Variants in KLHL30 observed in about 807,000 individuals in gnomAD.
KLHL30 encodes the protein kelch-like protein 30.
A neutral mutation model predicts 55.0 loss-of-function variants in KLHL30; 55 were observed. The ratio of observed to expected loss-of-function variants is 1.00; its 90% confidence interval spans 0.80 to 1.25. The LOEUF is 1.25. KLHL30 is among the 50% of genes most tolerant of loss of function. KLHL30 has a pLI of 0.00. For missense variants in KLHL30, 786 were observed against 811.6 expected (o/e 0.97, Z 0.38); for synonymous variants, 356 against 372.6 (o/e 0.96, Z 0.51).
chr2:238,143,214 A>T (rs935410), intron 3 of KLHL30, among the ~76,000 whole-genome samples: 119,511 of 152,220 alleles, frequency 0.79, 47,151 homozygotes, highest in East Asian at 0.94. Flanking sequence ...ACAGGCCTCC[A>T]CGGCCAAGAC....
chr2:238,148,466 C>T (rs1157748615), intron 6 of KLHL30, among the ~76,000 whole-genome samples: 1 of 152,236 alleles, frequency 6.6e-6, no homozygotes. Flanking sequence ...TGAGGCCCAG[C>T]GCAGCCTCCC....
chr2:238,148,620 CA>C (rs1692690712), intron 6 of KLHL30, among the ~76,000 whole-genome samples: 1 of 149,964 alleles, frequency 6.7e-6, no homozygotes, highest in Non-Finnish European at 1.5e-5. Flanking sequence ...AGGCAAGGCC[CA>C]CCTGGGTACC....
At position 238,140,738 on chromosome 2, in the gene KLHL30, C is replaced by T; in HGVS notation, c.-17C>T. On this transcript the variant is annotated 5_prime_UTR_variant, in exon 2 of 8. Coordinates refer to ENST00000409223, the MANE Select transcript of KLHL30 (RefSeq NM_198582.4). ...CCTTGAGTGGGTGGACTACTGAGGTCCCCTGGGCACGGCGTCATGGTGCGG... is the reference window on the plus strand; with the variant it reads ...CCTTGAGTGGGTGGACTACTGAGGTTCCCTGGGCACGGCGTCATGGTGCGG... The T allele has an allele frequency of 6.7e-7, 1 of 1,486,142 alleles. No homozygotes were observed. The highest frequency in any genetic ancestry group is 9.0e-7 in the Non-Finnish European group (1 of 1,110,082). The allele number at this position is 1,486,142 out of a possible 1,614,324, so 92.1% of individuals were successfully genotyped here. A position where few individuals can be genotyped will look rare whatever the true frequency, so the allele number is the denominator to read the frequency against.
intron 5 of KLHL30, among the ~76,000 whole-genome samples, chr2:238,146,913 G>A (rs1692657249): frequency 6.6e-6 from 1 of 150,766 alleles, no homozygotes; most frequent in African/African-American, 2.4e-5. Flanking sequence ...GGCCAAGGCA[G>A]GAGAATCGTT....
Position 238,151,859 on chromosome 2 carries a change from A to G in KLHL30, c.*794A>G, listed in dbSNP as rs972111463. The G allele has an allele frequency of 4.1e-6, 4 of 984,372 alleles. No homozygotes were observed. In the African/African-American group the frequency reaches 5.2e-5, roughly 13 times the overall value. The allele number at this position is 984,372 out of a possible 1,614,324, so 61.0% of individuals were successfully genotyped here. Reference sequence around the variant, plus strand: ...CTGTGTGTCAGAACAAAGGCTCTTCATTAGAATGGAATTTCCCACCAGGGG... The same window carrying G: ...CTGTGTGTCAGAACAAAGGCTCTTCGTTAGAATGGAATTTCCCACCAGGGG... On this transcript the variant is annotated 3_prime_UTR_variant, in exon 8 of 8. Coordinates refer to ENST00000409223, the MANE Select transcript of KLHL30 (RefSeq NM_198582.4).
Position 238,141,277 on chromosome 2 carries a change from C to G in KLHL30, c.523C>G (p.Pro175Ala), listed in dbSNP as rs777515959. ...VAREDEFLQL[P>A]RERLVTCLAG... Reference sequence around the variant, plus strand: ...ACGTGAGGACGAGTTCCTGCAGCTTCCCCGAGAGCGGCTGGTCACTTGTCT... The same window carrying G: ...ACGTGAGGACGAGTTCCTGCAGCTTGCCCGAGAGCGGCTGGTCACTTGTCT... Residue 175 changes from proline (P) to alanine (A), a missense_variant, in exon 2 of 8, where the codon CCC becomes GCC. Pro to Ala is a conservative substitution (Grantham distance 27, BLOSUM62 -1). Coordinates refer to ENST00000409223, the MANE Select transcript of KLHL30 (RefSeq NM_198582.4). 3 of 1,602,388 alleles carry G rather than the reference C, an allele frequency of 1.9e-6. No homozygotes were observed. In the Admixed American group the frequency reaches 5.0e-5, roughly 27 times the overall value.
chr2:238,145,509 C>T (rs1574758549), intron 4 of KLHL30, among the ~76,000 whole-genome samples, 168 bp from the exon 5 acceptor site: 1 of 152,280 alleles, frequency 6.6e-6, no homozygotes, highest in East Asian at 1.9e-4. Context: ...GATGGAGGGA[C>T]CTGGGCAGTC....
intron 3 of KLHL30, among the ~76,000 whole-genome samples, chr2:238,143,913 C>T (rs1220338372): frequency 6.6e-6 from 1 of 152,238 alleles, no homozygotes; most frequent in Non-Finnish European, 1.5e-5. Flanking sequence ...CCTGGAATTC[C>T]GCATCTCCCA....
In KLHL30 at chr2:238,147,907, C is replaced by G. The variant is rs1381292398; in HGVS notation, c.1224C>G (p.Ala408=). The G allele has an allele frequency of 6.2e-7, 1 of 1,603,840 alleles. No individual in the cohort carries two copies. Among genetic ancestry groups the G allele is most frequent in the East Asian group, 2.3e-5 (1 of 44,130 alleles). The change falls in exon 6 of 8, where the codon GCC becomes GCG. Residue 408 remains alanine (A), a synonymous_variant. Coordinates refer to ENST00000409223, the MANE Select transcript of KLHL30 (RefSeq NM_198582.4). The surrounding 1 kb of genome is among the most constrained non-coding windows in gnomAD (Gnocchi z 5.8). ...YTDSWTPVSP[A]LKYVSNFSAA... is the part of the protein sequence containing the mutation. ...ACAGCTGGACGCCCGTCAGCCCGGC[C>G]CTCAAATACGTCAGCAACTTCTCGG...
intron 6 of KLHL30, among the ~76,000 whole-genome samples, chr2:238,148,378 C>G (rs1037444427): frequency 8.5e-5 from 13 of 152,316 alleles, no homozygotes; most frequent in African/African-American, 3.1e-4. Flanking sequence ...CCCAAAAGGG[C>G]CTCACGGGCC....
At position 238,141,032 on chromosome 2, in the gene KLHL30, C is replaced by G; in HGVS notation, c.278C>G (p.Thr93Arg). The G allele has an allele frequency of 6.2e-7, 1 of 1,612,370 alleles. No homozygotes were observed. Among genetic ancestry groups the G allele is most frequent in the Non-Finnish European group, 8.5e-7 (1 of 1,179,600 alleles). Residue 93 changes from threonine (T) to arginine (R), a missense_variant, in exon 2 of 8, where the codon ACA (threonine) becomes AGA (arginine). Physicochemically the swap from Thr to Arg is moderately conservative, Grantham distance 71. Coordinates refer to ENST00000409223, the MANE Select transcript of KLHL30 (RefSeq NM_198582.4). ...VVGQLVDFVY[T>R]GRLTITQGNV... ...GGACAACTGGTGGACTTCGTGTACACAGGCCGGCTGACCATCACGCAGGGC... is the reference window on the plus strand; with the variant it reads ...GGACAACTGGTGGACTTCGTGTACAGAGGCCGGCTGACCATCACGCAGGGC...
At position 238,151,093 on chromosome 2, in the gene KLHL30, TCC is replaced by T; in HGVS notation, c.*31_*32del. 6.4e-7 allele frequency: 1 copy of T among 1,560,430 alleles called. No individual in the cohort carries two copies. Among genetic ancestry groups the T allele is most frequent in the Non-Finnish European group, 8.7e-7 (1 of 1,151,110 alleles). ...CAGGGCCAGGGTCCCCGGGGAGGAG[TCC>T]CCACAGCGGCCCCTCATCAGCCTGT... is the stretch of plus-strand genomic sequence containing the variant. On this transcript the variant is annotated 3_prime_UTR_variant, in exon 8 of 8. Transcript: ENST00000409223.
At chr2:238,148,855 C>A (rs1303144554) in intron 6 of KLHL30, among the ~76,000 whole-genome samples, 152 bp from the exon 7 acceptor site, 1 of 152,144 alleles carries the variant, frequency 6.6e-6, no homozygotes, top group Non-Finnish European at 1.5e-5. Context: ...GGGTCCCTCC[C>A]AGCTGCACCG....
chr2:238,139,207 A>G (rs1692484891), intron 1 of KLHL30, among the ~76,000 whole-genome samples: 1 of 152,196 alleles, frequency 6.6e-6, no homozygotes, highest in Admixed American at 6.5e-5. Flanking sequence ...GGGGGCGCTC[A>G]TGCGTGCCTG....
intron 3 of KLHL30, 59 bp from the exon 4 acceptor site, chr2:238,144,843 G>A (rs1028549167): frequency 7.6e-7 from 1 of 1,318,854 alleles, no homozygotes; most frequent in Non-Finnish European, 1.1e-6. Flanking sequence ...AGGGGGAGTG[G>A]GGACCACCCC....
In KLHL30 at chr2:238,149,122, G is replaced by A. The variant is rs764497070; in HGVS notation, c.1455G>A (p.Val485=). ...GGGACAACACCAAGAAGGTCTACGTGTACGACCCCGGGGCCAACCTGTGGC... is the reference window on the plus strand; with the variant it reads ...GGGACAACACCAAGAAGGTCTACGTATACGACCCCGGGGCCAACCTGTGGC... The part of the protein sequence containing the change: ...LIGDNTKKVY[V]YDPGANLWQK... Residue 485 remains valine, a synonymous_variant, in exon 7 of 8, where the codon GTG becomes GTA. Coordinates refer to ENST00000409223, the MANE Select transcript of KLHL30 (RefSeq NM_198582.4). The A allele has an allele frequency of 3.1e-6, 5 of 1,612,900 alleles. 1 individual carries two copies. In the African/African-American group the frequency reaches 5.3e-5, roughly 17 times the overall value.
chr2:238,139,048 G>A (rs2106309470), intron 1 of KLHL30, among the ~76,000 whole-genome samples: 1 of 152,298 alleles, frequency 6.6e-6, no homozygotes, highest in Non-Finnish European at 1.5e-5. Flanking sequence ...CTGGGCTCAG[G>A]CCTTTTGTTG....
rs538404444 is a variant in KLHL30 at position 238,139,516 on chromosome 2, G to A, written c.-71+758G>A. On this transcript the variant is annotated intron_variant, in intron 1 of 7. Coordinates refer to ENST00000409223, the MANE Select transcript of KLHL30 (RefSeq NM_198582.4). ...AGCCCGGGTTGGTCCGCGAGGCCCT[G>A]TGGGCTCCCAGGTGCTTCCCCGCTC... Among the ~76,000 whole-genome samples, 10 of 152,252 alleles carry A rather than the reference G, an allele frequency of 6.6e-5. No individual in the cohort carries two copies. The East Asian group carries it at 1.7e-3, about 27-fold the overall frequency.
chr2:238,149,553 G>A (rs1033891850), intron 7 of KLHL30, among the ~76,000 whole-genome samples: 12 of 152,158 alleles, frequency 7.9e-5, no homozygotes, highest in African/African-American at 1.2e-4. Flanking sequence ...TTGGGTTGCC[G>A]GCCACTGGTG....
Sources: allele counts gnomAD v4.1 joint callset (sites outside exome capture counted in the v4.1 genomes callset), GRCh38; gene constraint gnomAD v4.1.1; non-coding constraint Gnocchi (gnomAD v3.1); transcripts MANE v1.5; gene names NCBI Gene and HGNC (gene_info 2026-07-23, HGNC 2026-07-21).